NWD1: variants seen among roughly 807,000 people sequenced by gnomAD.
NWD1 encodes the protein NACHT domain- and WD repeat-containing protein 1.
A neutral mutation model predicts 135.1 loss-of-function variants in NWD1; 129 were observed. That is an observed-to-expected ratio of 0.96 (90% CI 0.83 to 1.11). The LOEUF is 1.11. Ranked by LOEUF, NWD1 falls within the 50% of genes least tolerant of loss-of-function variation. The pLI is 0.00. For missense variants in NWD1, 1,740 were observed against 1,851.3 expected (o/e 0.94, Z 1.10); for synonymous variants, 773 against 786.0 (o/e 0.98, Z 0.28).
intron 14 of NWD1, 58 bp downstream of exon 14, chr19:16,791,680 G>T (rs1393124539): frequency 4.6e-6 from 7 of 1,506,716 alleles, no homozygotes; most frequent in Non-Finnish European, 4.6e-6. Context: ...GTGCTCAGAT[G>T]TGCTAGAAGT....
chr19:16,795,124 G>A (rs1970376698), intron 15 of NWD1, among the ~76,000 whole-genome samples: 1 of 152,232 alleles, frequency 6.6e-6, no homozygotes, highest in Non-Finnish European at 1.5e-5. Flanking sequence ...TGGCCTCTTT[G>A]CCAAGCTGGG....
chr19:16,748,596 G>T (rs1968418336), intron 5 of NWD1, among the ~76,000 whole-genome samples: 1 of 152,076 alleles, frequency 6.6e-6, no homozygotes, highest in African/African-American at 2.4e-5. Context: ...GGAGGCCGAG[G>T]TTGAATTGCT....
intron 5 of NWD1, among the ~76,000 whole-genome samples, chr19:16,747,337 C>T (rs868573999): frequency 3.7e-4 from 54 of 145,364 alleles, no homozygotes; most frequent in Middle Eastern, 7.2e-3. Context: ...GCCTGGCTGA[C>T]ATTTTCTTTT....
At chr19:16,814,342 G>A (rs917892844) in intron 18 of NWD1, among the ~76,000 whole-genome samples, 6 of 152,098 alleles carry the variant, frequency 3.9e-5, no homozygotes, top group South Asian at 4.1e-4. Flanking sequence ...ATTTCAGTAC[G>A]CCTTTGTCAC....
At chr19:16,737,887 C>T (rs1431609850) in intron 4 of NWD1, among the ~76,000 whole-genome samples, 1 of 151,028 alleles carries the variant, frequency 6.6e-6, no homozygotes, top group African/African-American at 2.4e-5. Flanking sequence ...ATTGCTTGAA[C>T]CTGGGAGGCA....
At chr19:16,795,496 A>G (rs975197683) in intron 15 of NWD1, among the ~76,000 whole-genome samples, 2 of 149,032 alleles carry the variant, frequency 1.3e-5, no homozygotes, top group Non-Finnish European at 3.0e-5. Flanking sequence ...AGCTCACTGC[A>G]ACCTCCACCT....
chr19:16,738,247 C>G (rs1967919708), intron 4 of NWD1: 1 of 453,870 alleles, frequency 2.2e-6, no homozygotes. Context: ...TGATCCCTGT[C>G]CTGGACAGTA....
intron 2 of NWD1, among the ~76,000 whole-genome samples, chr19:16,725,386 G>A (rs150368466): frequency 0.018 from 2,672 of 151,770 alleles, 42 homozygotes; most frequent in Middle Eastern, 0.041. Flanking sequence ...GCTGAGATGG[G>A]AGGATCACTT....
intron 12 of NWD1, among the ~76,000 whole-genome samples, chr19:16,783,900 A>T (rs998402998): frequency 4.6e-5 from 7 of 152,124 alleles, no homozygotes; most frequent in Non-Finnish European, 8.8e-5. Context: ...ATTGTAAGTA[A>T]CCTAGAGATG....
intron 3 of NWD1, among the ~76,000 whole-genome samples, chr19:16,735,280 G>A (rs1342454593): frequency 1.3e-5 from 2 of 152,048 alleles, no homozygotes; most frequent in African/African-American, 4.8e-5. Context: ...GAGGCAGACA[G>A]TTCACTTGAG....
intron 1 of NWD1, among the ~76,000 whole-genome samples, chr19:16,723,676 C>CTGTTTTGTTTTGTTT (rs60100795): frequency 3.2e-4 from 48 of 149,792 alleles, no homozygotes; most frequent in African/African-American, 1.0e-3. Flanking sequence ...ACAGCTTTTT[C>CTGTTTTGTTTTGTTT]TGTTTTGTTT....
At chr19:16,780,371 T>A (rs372030240) in intron 12 of NWD1, among the ~76,000 whole-genome samples, 1 of 152,108 alleles carries the variant, frequency 6.6e-6, no homozygotes, top group Non-Finnish European at 1.5e-5. Flanking sequence ...TTAGCCAGGA[T>A]GGTCTCAATC....
chr19:16,763,339 G>C (rs1449645827), intron 8 of NWD1, among the ~76,000 whole-genome samples: 1 of 152,042 alleles, frequency 6.6e-6, no homozygotes, highest in African/African-American at 2.4e-5. Flanking sequence ...TCAGTCTTGA[G>C]CCTGACCTAC....
In NWD1 at chr19:16,807,742, C is replaced by A. The variant is rs1434409484; in HGVS notation, c.3893C>A (p.Ala1298Asp). The A allele has an allele frequency of 1.9e-6, 3 of 1,613,214 alleles. No individual in the cohort carries two copies. The highest frequency in any genetic ancestry group is 2.2e-5 in the South Asian group (2 of 91,050). ...QDVICIPPPE[A>D]RKAINCMSLS... ...GTGATATGCATTCCCCCTCCCGAGGCCCGGAAAGCAATCAACTGCATGTCC... is the reference window on the plus strand; with the variant it reads ...GTGATATGCATTCCCCCTCCCGAGGACCGGAAAGCAATCAACTGCATGTCC... The change falls in exon 18 of 19, where the codon GCC becomes GAC. Residue 1298 changes from alanine (A) to aspartate (D), a missense_variant. By Grantham distance (126) the Ala-to-Asp change is moderately radical (BLOSUM62 -2). Coordinates refer to ENST00000524140, the MANE Select transcript of NWD1 (RefSeq NM_001007525.5).
At chr19:16,808,931 A>G in intron 18 of NWD1, among the ~76,000 whole-genome samples, 1 of 152,068 alleles carries the variant, frequency 6.6e-6, no homozygotes, top group East Asian at 1.9e-4. Flanking sequence ...AAACAAATGC[A>G]AAAATTAGCT....
intron 12 of NWD1, among the ~76,000 whole-genome samples, chr19:16,788,360 G>A (rs905816833): frequency 3.3e-5 from 5 of 150,384 alleles, no homozygotes; most frequent in African/African-American, 1.2e-4. Flanking sequence ...CTTGAGGCCA[G>A]GAGTTCAAGG....
Position 16,746,506 on chromosome 19 carries a change from C to G in NWD1, c.496+1788C>G, listed in dbSNP as rs527259733. On this transcript the variant is annotated intron_variant, in intron 5 of 18. Transcript: ENST00000524140. ...TGGCCAAAATAGTGAAACTCTGTCT[C>G]TACTAAAATTACAAAAATTAGCTGG... 1.7e-3 allele frequency among the ~76,000 whole-genome samples: 259 copies of G among 151,574 alleles called. 3 individuals carry two copies. The highest frequency in any genetic ancestry group is 6.2e-4 in the Non-Finnish European group (42 of 67,862).
chr19:16,728,281 C>CTTTTT (rs397859118), intron 2 of NWD1, among the ~76,000 whole-genome samples: 3 of 119,902 alleles, frequency 2.5e-5, no homozygotes, highest in Admixed American at 9.1e-5. Flanking sequence ...GGTCACTGCT[C>CTTTTT]TTTTTTTTTT....
At chr19:16,723,377 T>C (rs895996805) in intron 1 of NWD1, among the ~76,000 whole-genome samples, 2 of 152,164 alleles carry the variant, frequency 1.3e-5, no homozygotes, top group Non-Finnish European at 2.9e-5. Context: ...TTTTAAATTT[T>C]TTGTAGAAAT....
Sources: allele counts gnomAD v4.1 joint callset (sites outside exome capture counted in the v4.1 genomes callset), GRCh38; gene constraint gnomAD v4.1.1; transcripts MANE v1.5; gene names NCBI Gene and HGNC (gene_info 2026-07-23, HGNC 2026-07-21).